Variants in CSMD1 observed in about 807,000 individuals in gnomAD.
The protein encoded by CSMD1 is CUB and sushi domain-containing protein 1.
CSMD1 carries 213 observed loss-of-function variants against 417.5 expected under a neutral mutation model. The observed-to-expected ratio is 0.51, with a 90% CI of 0.46 to 0.57. The LOEUF (loss-of-function observed/expected upper bound fraction) is 0.57. CSMD1 is among the 20% of genes least tolerant of loss of function. The pLI, the probability that CSMD1 is intolerant of heterozygous loss-of-function variation, is 0.00. For missense variants in CSMD1, 6,923 were observed against 4,529.7 expected, an observed-to-expected ratio of 1.53 and a Z score of -15.17; for synonymous variants, 2,862 against 1,736.8, an observed-to-expected ratio of 1.65 and a Z score of -16.11.
chr8:2,945,479 T>G (rs1408857737), intron 68 of CSMD1, among the ~76,000 whole-genome samples: 1 of 151,690 alleles, frequency 6.6e-6, no homozygotes, highest in African/African-American at 2.4e-5. Context: ...ATGAAATCTT[T>G]TGCCTATATC....
In CSMD1 at chr8:3,565,131, C is replaced by CAAAAAAAAAAAAAAAAAAA. The variant is rs869248314; in HGVS notation, c.1344+9795_1344+9813dup. ...TACTTAACTCTGTAGTGCAAGACAG[C>CAAAAAAAAAAAAAAAAAAA]AAAAAAAAAAAAAAAAAAAAAAAAA... is the stretch of plus-strand genomic sequence containing the variant. On this transcript the variant is annotated intron_variant, in intron 10 of 69. Coordinates refer to ENST00000635120, the MANE Select transcript of CSMD1 (RefSeq NM_033225.6). 7.7e-4 allele frequency among the ~76,000 whole-genome samples: 8 copies of CAAAAAAAAAAAAAAAAAAA among 10,448 alleles called. 1 individual carries two copies. The highest frequency in any genetic ancestry group is 8.1e-4 in the African/African-American group (3 of 3,718). 6.9% of individuals were successfully genotyped at this position (10,448 alleles called of 152,430 possible).
intron 4 of CSMD1, among the ~76,000 whole-genome samples, chr8:4,009,113 A>C (rs1457521815): frequency 6.6e-6 from 1 of 152,204 alleles, no homozygotes; most frequent in African/African-American, 2.4e-5. Flanking sequence ...AAAATGGTTG[A>C]ACACCACTGA....
At chr8:3,820,781 G>C (rs777410034) in intron 5 of CSMD1, among the ~76,000 whole-genome samples, 1 of 152,002 alleles carries the variant, frequency 6.6e-6, no homozygotes, top group Non-Finnish European at 1.5e-5. Flanking sequence ...ATGGGGTTTC[G>C]CCATGTTGGC....
chr8:4,356,060 G>A (rs1047977778), intron 3 of CSMD1, among the ~76,000 whole-genome samples: 4 of 152,140 alleles, frequency 2.6e-5, no homozygotes, highest in Non-Finnish European at 5.9e-5. Context: ...CATCACCTGA[G>A]CAGTGTACAC....
chr8:3,309,202 C>T (rs1429314992), intron 23 of CSMD1, among the ~76,000 whole-genome samples: 3 of 152,172 alleles, frequency 2.0e-5, no homozygotes, highest in Non-Finnish European at 4.4e-5. Flanking sequence ...GGCCACCTAT[C>T]GGCACTGCCA....
intron 1 of CSMD1, among the ~76,000 whole-genome samples, chr8:4,813,310 G>C (rs962900478): frequency 6.6e-6 from 1 of 151,970 alleles, no homozygotes; most frequent in African/African-American, 2.4e-5. Context: ...CCACAGAGCC[G>C]GGGCTGTGAT....
intron 3 of CSMD1, among the ~76,000 whole-genome samples, chr8:4,251,458 C>A (rs911054828): frequency 2.6e-5 from 4 of 152,138 alleles, no homozygotes; most frequent in Non-Finnish European, 5.9e-5. Context: ...AAGGCCCCTA[C>A]ACCATGCAGT....
At chr8:4,611,230 T>C (rs1481932756) in intron 2 of CSMD1, among the ~76,000 whole-genome samples, 3 of 152,186 alleles carry the variant, frequency 2.0e-5, no homozygotes, top group African/African-American at 4.8e-5. Flanking sequence ...AATCTTACAA[T>C]GGGTACTATT....
At chr8:4,559,610 T>G (rs181795292) in intron 2 of CSMD1, among the ~76,000 whole-genome samples, 216 of 152,334 alleles carry the variant, frequency 1.4e-3, no homozygotes, top group African/African-American at 4.7e-3. Flanking sequence ...TGTATAAAAT[T>G]ATAACCTCTA....
At position 4,141,391 on chromosome 8, in the gene CSMD1, AG is replaced by A. The variant is rs938135767; in HGVS notation, c.416-109293del. Among the ~76,000 whole-genome samples the A allele has an allele frequency of 3.6e-4, 55 of 151,286 alleles. 4 individuals carry two copies. Among genetic ancestry groups the A allele is most frequent in the African/African-American group, 1.2e-3 (47 of 40,536 alleles). ...TGCTCCAAGAATACCAAGAAGCTAA[AG>A]AAAGATTTGGCTAAACAAAGGAAAC... On this transcript the variant is annotated intron_variant, in intron 3 of 69. Transcript: ENST00000635120.
intron 10 of CSMD1, among the ~76,000 whole-genome samples, chr8:3,545,068 C>G (rs1218745178): frequency 6.6e-6 from 1 of 152,100 alleles, no homozygotes; most frequent in Non-Finnish European, 1.5e-5. Context: ...TGAATACAAA[C>G]TTTTCCATGA....
At chr8:3,157,135 G>A (rs149501578) in intron 39 of CSMD1, among the ~76,000 whole-genome samples, 89 of 152,220 alleles carry the variant, frequency 5.8e-4, no homozygotes, top group African/African-American at 2.1e-3. Flanking sequence ...ATCCTACTGA[G>A]ACAGTACCTG....
chr8:3,785,965 T>C (rs2720890), intron 5 of CSMD1, among the ~76,000 whole-genome samples: 26,156 of 152,188 alleles, frequency 0.17, 2,394 homozygotes, highest in East Asian at 0.31. Flanking sequence ...TTAGAAGCTC[T>C]GCAGTTTTCC....
chr8:4,162,342 G>A lies in CSMD1; in HGVS notation c.416-130243C>T, dbSNP rs139978787. ...ATTTATGTTACTACAAAAGAAAAGT[G>A]CTTGTTTTTAGGTAATTTTGATGTT... is the stretch of plus-strand genomic sequence containing the variant. On this transcript the variant is annotated intron_variant, in intron 3 of 69. Coordinates refer to ENST00000635120, the MANE Select transcript of CSMD1 (RefSeq NM_033225.6). Among the ~76,000 whole-genome samples, 308 of 152,216 alleles carry A rather than the reference G, an allele frequency of 2.0e-3. 4 individuals carry two copies. The highest frequency in any genetic ancestry group is 6.9e-4 in the Non-Finnish European group (47 of 68,010).
At chr8:4,648,005 T>C (rs1447085036) in intron 1 of CSMD1, among the ~76,000 whole-genome samples, 1 of 152,220 alleles carries the variant, frequency 6.6e-6, no homozygotes. Context: ...TCTTCCTCAG[T>C]TGTTGAACTA....
intron 1 of CSMD1, among the ~76,000 whole-genome samples, chr8:4,987,192 C>A (rs1409477235): frequency 6.6e-6 from 1 of 152,132 alleles, no homozygotes; most frequent in Non-Finnish European, 1.5e-5. Context: ...TACCTCCATC[C>A]AAAATCCACT....
intron 5 of CSMD1, among the ~76,000 whole-genome samples, chr8:3,812,481 G>T (rs1435227252): frequency 3.3e-5 from 5 of 152,176 alleles, no homozygotes; most frequent in Admixed American, 2.0e-4. Flanking sequence ...CCCTTGAAAT[G>T]GTCCATGTTC....
intron 1 of CSMD1, among the ~76,000 whole-genome samples, chr8:4,876,623 A>G (rs1803057557): frequency 6.6e-6 from 1 of 152,098 alleles, no homozygotes; most frequent in Non-Finnish European, 1.5e-5. Flanking sequence ...ATCAGTTCAC[A>G]ATAGGTTATT....
At chr8:4,454,691 G>T (rs1214029247) in intron 2 of CSMD1, among the ~76,000 whole-genome samples, 4 of 152,148 alleles carry the variant, frequency 2.6e-5, no homozygotes, top group East Asian at 1.9e-4. Context: ...TCTCTACATA[G>T]CAGCTAATCA....
Sources: allele counts gnomAD v4.1 joint callset (sites outside exome capture counted in the v4.1 genomes callset), GRCh38; gene constraint gnomAD v4.1.1; transcripts MANE v1.5; gene names NCBI Gene and HGNC (gene_info 2026-07-23, HGNC 2026-07-21).